Variants in LGR5 observed in about 807,000 individuals in gnomAD.
LGR5 encodes leucine-rich repeat-containing G protein-coupled receptor 5.
Under a neutral mutation model 76.7 loss-of-function variants are expected in LGR5, and 54 were observed. That is an observed-to-expected ratio of 0.70 (90% CI 0.57 to 0.88). LGR5 has a LOEUF of 0.88. Among genes scored for constraint, LGR5 ranks in the 40% least tolerant of loss-of-function variants. The pLI, the probability that LGR5 is intolerant of heterozygous loss-of-function variation, is 0.00. For synonymous variants in LGR5, 406 were observed against 421.9 expected (o/e 0.96, Z 0.46); for missense variants, 1,078 against 1,073.3 (o/e 1.00, Z -0.06).
At position 71,501,592 on chromosome 12, in the gene LGR5, A is replaced by AC. The variant is rs1874608045; in HGVS notation, c.213-3019dup. 2.6e-5 allele frequency among the ~76,000 whole-genome samples: 4 copies of AC among 152,308 alleles called. No homozygotes were observed. In the South Asian group the frequency reaches 6.2e-4, roughly 24 times the overall value. On this transcript the variant is annotated intron_variant, in intron 1 of 17. Coordinates refer to ENST00000266674, the MANE Select transcript of LGR5 (RefSeq NM_003667.4). ...ATCGCTCACCAAAGAGAAGTCAAGG[A>AC]CCCACCCCAGGCCACAGCTGTTTTT...
At chr12:71,571,476 G>A (rs761666228) in intron 11 of LGR5, 38 bp from the exon 12 acceptor site, 2 of 1,422,696 alleles carry the variant, frequency 1.4e-6, no homozygotes, top group South Asian at 1.2e-5. Context: ...TGATTTATTT[G>A]TAACAGATTT....
chr12:71,532,916 G>A (rs1592520064), intron 3 of LGR5, among the ~76,000 whole-genome samples: 1 of 152,074 alleles, frequency 6.6e-6, no homozygotes, highest in Non-Finnish European at 1.5e-5. Context: ...AGATAGCTAG[G>A]TGTAGTAACT....
At chr12:71,574,456 C>T (rs1592560716) in intron 13 of LGR5, among the ~76,000 whole-genome samples, 2 of 152,108 alleles carry the variant, frequency 1.3e-5, no homozygotes. Context: ...TCCAATTCAT[C>T]CTCTCCACTC....
chr12:71,458,900 G>A (rs1872588470), intron 1 of LGR5, among the ~76,000 whole-genome samples: 1 of 151,790 alleles, frequency 6.6e-6, no homozygotes, highest in Admixed American at 6.6e-5. Context: ...CACTAAAAGA[G>A]AACCTGCCTG....
At position 71,584,075 on chromosome 12, in the gene LGR5, G is replaced by A. The variant is rs150463936; in HGVS notation, c.2065G>A (p.Ala689Thr). The change falls in exon 18 of 18, where the codon GCC becomes ACC. Residue 689 changes from alanine (A) to threonine (T), a missense_variant. Ala to Thr is a moderately conservative substitution (Grantham distance 58). Transcript: ENST00000266674. ...CCTGAAAGTAATCATTTTGCTCTGT[G>A]CCCTGCTGGCCTTGACCATGGCCGC... The part of the protein sequence containing the change: ...SSLKVIILLC[A>T]LLALTMAAVP... 58 of 1,614,078 alleles carry A rather than the reference G, an allele frequency of 3.6e-5. No individual in the cohort carries two copies. The highest frequency in any genetic ancestry group is 4.7e-5 in the Non-Finnish European group (55 of 1,180,054).
At chr12:71,568,802 A>G (rs1413750227) in intron 11 of LGR5, among the ~76,000 whole-genome samples, 2 of 152,162 alleles carry the variant, frequency 1.3e-5, no homozygotes, top group African/African-American at 4.8e-5. Flanking sequence ...TAACTCATCC[A>G]CTGAGTACTT....
intron 6 of LGR5, among the ~76,000 whole-genome samples, chr12:71,557,666 C>A (rs528452211): frequency 9.6e-4 from 146 of 152,268 alleles, no homozygotes; most frequent in Admixed American, 1.3e-3. Flanking sequence ...ACACCAGGGC[C>A]CCAGGCTTTT....
Position 71,584,747 on chromosome 12 carries a change from G to C in LGR5, c.*13G>C, listed in dbSNP as rs1234960450. 1.9e-6 allele frequency: 3 copies of C among 1,600,076 alleles called. No individual in the cohort carries two copies. Among genetic ancestry groups the C allele is most frequent in the South Asian group, 1.1e-5 (1 of 89,990 alleles). On this transcript the variant is annotated 3_prime_UTR_variant, in exon 18 of 18. Transcript: ENST00000266674. Reference sequence around the variant, plus strand: ...CCCATGTCTCTAATTAATATGTGAAGGAAAATGTTTTCAAAGGTTGAGAAC... The same window carrying C: ...CCCATGTCTCTAATTAATATGTGAACGAAAATGTTTTCAAAGGTTGAGAAC...
intron 1 of LGR5, among the ~76,000 whole-genome samples, chr12:71,463,296 G>A (rs1270474699): frequency 6.6e-6 from 1 of 152,176 alleles, no homozygotes; most frequent in Middle Eastern, 3.2e-3. Flanking sequence ...GAATTGTGCA[G>A]TGCACAGCTC....
intron 2 of LGR5, among the ~76,000 whole-genome samples, chr12:71,517,944 ACTTTT>A (rs1408291778): frequency 6.6e-6 from 1 of 151,996 alleles, no homozygotes; most frequent in Non-Finnish European, 1.5e-5. Flanking sequence ...ATCAGCTTGG[ACTTTT>A]CTTCCACACC....
At chr12:71,569,566 A>G (rs2041519015) in intron 11 of LGR5, among the ~76,000 whole-genome samples, 1 of 152,252 alleles carries the variant, frequency 6.6e-6, no homozygotes, top group Admixed American at 6.5e-5. Context: ...ATAGTTCAAC[A>G]TCACTGATCA....
intron 16 of LGR5, among the ~76,000 whole-genome samples, chr12:71,582,083 T>C (rs1304348334): frequency 1.3e-5 from 2 of 152,240 alleles, no homozygotes; most frequent in African/African-American, 2.4e-5. Flanking sequence ...ATTTGCAGTA[T>C]AGCTTTTATA....
At chr12:71,471,641 GT>G (rs71437179) in intron 1 of LGR5, among the ~76,000 whole-genome samples, 7,347 of 142,520 alleles carry the variant, frequency 0.052, 184 homozygotes, top group African/African-American at 0.084. Flanking sequence ...AAGCTGTTTT[GT>G]TTTTTTTTTT....
intron 1 of LGR5, among the ~76,000 whole-genome samples, chr12:71,496,370 C>CAAA (rs67593850): frequency 0.023 from 2,332 of 99,422 alleles, 134 homozygotes; most frequent in African/African-American, 0.089. Context: ...TCCATCTCAA[C>CAAA]AAAAAAAAAA....
At chr12:71,545,087 C>A (rs1330775494) in intron 4 of LGR5, among the ~76,000 whole-genome samples, 2 of 151,740 alleles carry the variant, frequency 1.3e-5, no homozygotes, top group Non-Finnish European at 2.9e-5. Context: ...GCCTAGGCAA[C>A]ATGGCAAGAC....
chr12:71,508,441 C>T (rs1187028390), intron 2 of LGR5, among the ~76,000 whole-genome samples: 1 of 152,026 alleles, frequency 6.6e-6, no homozygotes, highest in Non-Finnish European at 1.5e-5. Context: ...TAGAGATATA[C>T]ACTGACTTAA....
At chr12:71,551,919 G>A (rs1877503599) in intron 4 of LGR5, among the ~76,000 whole-genome samples, 1 of 152,210 alleles carries the variant, frequency 6.6e-6, no homozygotes, top group Non-Finnish European at 1.5e-5. Flanking sequence ...GGATAAGCAA[G>A]AAAGCCAGCA....
At chr12:71,552,382 T>C (rs1359463042) in intron 4 of LGR5, among the ~76,000 whole-genome samples, 4 of 151,968 alleles carry the variant, frequency 2.6e-5, no homozygotes, top group Admixed American at 2.0e-4. Context: ...CTGGCCAACA[T>C]GGTGAAACCC....
chr12:71,566,818 A>T, intron 10 of LGR5, 23 bp from the exon 11 acceptor site: 1 of 1,607,642 alleles, frequency 6.2e-7, no homozygotes, highest in Non-Finnish European at 8.5e-7. Context: ...TGAAAGAATT[A>T]TGTCTGGTTT....
Sources: allele counts gnomAD v4.1 joint callset (sites outside exome capture counted in the v4.1 genomes callset), GRCh38; gene constraint gnomAD v4.1.1; transcripts MANE v1.5; gene names NCBI Gene and HGNC (gene_info 2026-07-23, HGNC 2026-07-21).